Variants in LINGO2 observed in about 807,000 individuals in gnomAD.
LINGO2 encodes the protein leucine rich repeat and Ig domain containing 2, also known as leucine-rich repeat and immunoglobulin-like domain-containing nogo receptor-interacting protein 2.
Under a neutral mutation model 30.6 loss-of-function variants are expected in LINGO2, and 14 were observed. The observed-to-expected ratio is 0.46, with a 90% CI of 0.30 to 0.72. The LOEUF (loss-of-function observed/expected upper bound fraction) is 0.72. Ranked by LOEUF, LINGO2 falls within the 30% of genes least tolerant of loss-of-function variation. The pLI is 0.07. For missense variants in LINGO2, 729 were observed against 751.7 expected, an observed-to-expected ratio of 0.97 and a Z score of 0.35; for synonymous variants, 317 against 288.5, an observed-to-expected ratio of 1.10 and a Z score of -1.00.
the LINGO2 span, among the ~76,000 whole-genome samples, chr9:28,824,687 T>C: frequency 6.6e-6 from 1 of 152,186 alleles, no homozygotes; most frequent in Non-Finnish European, 1.5e-5. Flanking sequence ...ATGCATACCA[T>C]GCCTTTCCTA....
intron 3 of LINGO2, among the ~76,000 whole-genome samples, chr9:28,349,250 A>G (rs1243229424): frequency 4.0e-5 from 6 of 150,656 alleles, no homozygotes; most frequent in African/African-American, 1.5e-4. Context: ...GAAAACTTTG[A>G]AAAAAATTTA....
chr9:28,103,405 G>A (rs1826474023), intron 4 of LINGO2, among the ~76,000 whole-genome samples: 1 of 152,136 alleles, frequency 6.6e-6, no homozygotes, highest in African/African-American at 2.4e-5. Context: ...GAAGTGAGAT[G>A]ATGCAACTTC....
chr9:28,383,102 A>G (rs1821418651), intron 2 of LINGO2, among the ~76,000 whole-genome samples: 1 of 152,026 alleles, frequency 6.6e-6, no homozygotes, highest in African/African-American at 2.4e-5. Flanking sequence ...CCCACTTAAA[A>G]TTTTTTCATG....
At position 28,433,246 on chromosome 9, in the gene LINGO2, C is replaced by T. The variant is rs901169085; in HGVS notation, c.-279+42694G>A. 2.6e-5 allele frequency among the ~76,000 whole-genome samples: 4 copies of T among 151,986 alleles called. No homozygotes were observed. In the East Asian group the frequency reaches 5.8e-4, roughly 22 times the overall value. ...AAATAGGCTTCCTAAATTATAAAACCCACGCCTGTTATCCCTTTCCTACTC... is the reference window on the plus strand; with the variant it reads ...AAATAGGCTTCCTAAATTATAAAACTCACGCCTGTTATCCCTTTCCTACTC... On this transcript the variant is annotated intron_variant, in intron 2 of 5. Transcript: ENST00000379992.
chr9:28,365,531 C>A (rs1312214793), intron 3 of LINGO2, among the ~76,000 whole-genome samples: 1 of 152,082 alleles, frequency 6.6e-6, no homozygotes, highest in Non-Finnish European at 1.5e-5. Flanking sequence ...TGGAATGAGG[C>A]TCCTGCAGGC....
chr9:28,732,247 C>T, the LINGO2 span, among the ~76,000 whole-genome samples: 1 of 152,016 alleles, frequency 6.6e-6, no homozygotes, highest in East Asian at 1.9e-4. Flanking sequence ...CTCATCGAAG[C>T]CCTGGAATCT....
chr9:28,972,623 C>T, the LINGO2 span, among the ~76,000 whole-genome samples: 2 of 152,064 alleles, frequency 1.3e-5, no homozygotes, highest in East Asian at 1.9e-4. Flanking sequence ...TCAGAAGAGA[C>T]GTATTAGTCT....
intron 1 of LINGO2, chr9:28,599,425 T>C (rs1367705842): frequency 6.6e-6 from 1 of 152,168 alleles, no homozygotes; most frequent in Non-Finnish European, 1.5e-5. Flanking sequence ...GTAAATGCTG[T>C]TTTAAATGGT....
At chr9:28,250,512 G>A (rs1357515070) in intron 4 of LINGO2, among the ~76,000 whole-genome samples, 1 of 152,094 alleles carries the variant, frequency 6.6e-6, no homozygotes, top group African/African-American at 2.4e-5. Flanking sequence ...CTAGTGAAAG[G>A]ACCAGGAAAG....
the LINGO2 span, among the ~76,000 whole-genome samples, chr9:28,894,539 TTTC>T: frequency 6.6e-6 from 1 of 151,926 alleles, no homozygotes; most frequent in Non-Finnish European, 1.5e-5. Context: ...ACTGCTATAT[TTTC>T]TTCTTTTTTA....
the LINGO2 span, among the ~76,000 whole-genome samples, chr9:28,852,713 A>G: frequency 6.6e-6 from 1 of 152,040 alleles, no homozygotes; most frequent in East Asian, 1.9e-4. Context: ...ATACATTAGA[A>G]AGGGATTATT....
At chr9:28,399,267 A>T (rs1822169599) in intron 2 of LINGO2, among the ~76,000 whole-genome samples, 1 of 152,166 alleles carries the variant, frequency 6.6e-6, no homozygotes, top group Admixed American at 6.6e-5. Context: ...AAAACCTTAA[A>T]AGTCTGTGTA....
intron 4 of LINGO2, among the ~76,000 whole-genome samples, chr9:28,239,188 C>T (rs1229456265): frequency 6.6e-6 from 1 of 152,054 alleles, no homozygotes; most frequent in Non-Finnish European, 1.5e-5. Context: ...AAGATGGCTT[C>T]ACTGCTGAAT....
At chr9:28,950,697 A>G in the LINGO2 span, among the ~76,000 whole-genome samples, 1 of 152,174 alleles carries the variant, frequency 6.6e-6, no homozygotes, top group Non-Finnish European at 1.5e-5. Context: ...AGGGATGTGA[A>G]GGACCTCTTC....
chr9:27,976,389 G>C (rs1290704744), intron 5 of LINGO2, among the ~76,000 whole-genome samples: 1 of 152,066 alleles, frequency 6.6e-6, no homozygotes, highest in Admixed American at 6.6e-5. Context: ...AAGTGTGAAT[G>C]TTCTTTCTGG....
At chr9:28,297,079 C>G (rs1823949649) in intron 3 of LINGO2, among the ~76,000 whole-genome samples, 1 of 152,112 alleles carries the variant, frequency 6.6e-6, no homozygotes, top group Non-Finnish European at 1.5e-5. Context: ...AGTTTATAAA[C>G]ATAATTTCTA....
chr9:28,466,209 A>G (rs999773841), intron 2 of LINGO2, among the ~76,000 whole-genome samples: 3 of 152,236 alleles, frequency 2.0e-5, no homozygotes, highest in African/African-American at 7.2e-5. Context: ...ATTTGGAAAC[A>G]ACCTACATGC....
the LINGO2 span, among the ~76,000 whole-genome samples, chr9:29,201,818 A>G: frequency 2.6e-5 from 4 of 152,054 alleles, no homozygotes. Flanking sequence ...AACTTCAGGT[A>G]AGACATGCAG....
chr9:28,523,638 G>A (rs1820907026), intron 1 of LINGO2, among the ~76,000 whole-genome samples: 1 of 152,168 alleles, frequency 6.6e-6, no homozygotes, highest in South Asian at 2.1e-4. Context: ...ACACACATTA[G>A]CAATGAACAC....
Sources: allele counts gnomAD v4.1 joint callset (sites outside exome capture counted in the v4.1 genomes callset), GRCh38; gene constraint gnomAD v4.1.1; transcripts MANE v1.5; gene names NCBI Gene and HGNC (gene_info 2026-07-23, HGNC 2026-07-21).